ZFAND6: variants seen among roughly 807,000 people sequenced by gnomAD.
The protein encoded by ZFAND6 is AN1-type zinc finger protein 6.
In ZFAND6, 12 loss-of-function variants were observed where a neutral mutation model predicts 24.5. That is an observed-to-expected ratio of 0.49 (90% CI 0.31 to 0.79). The LOEUF (loss-of-function observed/expected upper bound fraction) is 0.79, where lower values mean the gene tolerates loss of function less well. Ranked by LOEUF, ZFAND6 falls within the 30% of genes least tolerant of loss-of-function variation. ZFAND6 has a pLI of 0.04. For synonymous variants in ZFAND6, 92 were observed against 81.5 expected, an observed-to-expected ratio of 1.13 and a Z score of -0.69; for missense variants, 207 against 245.9, an observed-to-expected ratio of 0.84 and a Z score of 1.06.
At chr15:80,096,357 G>A (rs1361005669) in intron 1 of ZFAND6, among the ~76,000 whole-genome samples, 3 of 152,132 alleles carry the variant, frequency 2.0e-5, no homozygotes, top group South Asian at 2.1e-4. Context: ...TTAAGCCTGC[G>A]GTGAAATCAG....
At position 80,089,563 on chromosome 15, in the gene ZFAND6, T is replaced by C. The variant is rs551536693; in HGVS notation, c.-180-8853T>C. Among the ~76,000 whole-genome samples the C allele has an allele frequency of 2.0e-5, 3 of 152,190 alleles. No homozygotes were observed. The South Asian group carries it at 6.2e-4, about 32-fold the overall frequency. ...GAGCCACCACTCCCAGCCTAGCCTT[T>C]GTGTTCTCTTGACCTAGCATTCAAC... On this transcript the variant is annotated intron_variant, in intron 1 of 6. Transcript: ENST00000261749.
At chr15:80,117,030 A>G (rs770917479) in intron 2 of ZFAND6, among the ~76,000 whole-genome samples, 3 of 152,220 alleles carry the variant, frequency 2.0e-5, no homozygotes, top group African/African-American at 4.8e-5. Flanking sequence ...TCTTAGGATG[A>G]TATTTCAAAT....
In ZFAND6 at chr15:80,065,537, A is replaced by ATTTTT. The variant is rs149756891; in HGVS notation, c.-181+5749_-181+5753dup. On this transcript the variant is annotated intron_variant, in intron 1 of 6. Coordinates refer to ENST00000261749, the MANE Select transcript of ZFAND6 (RefSeq NM_019006.4). ...GGGCTTCAAATTAGTTTTGGTTTTG[A>ATTTTT]TTTTTTTTTTTTTTTTTTTTTTTTT... Among the ~76,000 whole-genome samples, 100 of 76,490 alleles carry ATTTTT rather than the reference A, an allele frequency of 1.3e-3. 4 individuals carry two copies. The highest frequency in any genetic ancestry group is 5.2e-3 in the African/African-American group (99 of 18,948). The allele number at this position is 76,490 out of a possible 152,430, so 50.2% of individuals were successfully genotyped here. A position where few individuals can be genotyped will look rare whatever the true frequency, so the allele number is the denominator to read the frequency against.
intron 1 of ZFAND6, among the ~76,000 whole-genome samples, chr15:80,073,932 T>A (rs2037121792): frequency 6.6e-6 from 1 of 151,482 alleles, no homozygotes; most frequent in African/African-American, 2.4e-5. Flanking sequence ...AGCTGTAAAA[T>A]ATTTTCCTTT....
At chr15:80,117,074 A>C (rs1417777271) in intron 2 of ZFAND6, among the ~76,000 whole-genome samples, 1 of 152,236 alleles carries the variant, frequency 6.6e-6, no homozygotes, top group Non-Finnish European at 1.5e-5. Context: ...CATTTAATTA[A>C]TATCACCATG....
chr15:80,122,831 AT>A (rs1472922296), intron 5 of ZFAND6, 31 bp downstream of exon 5: 2 of 1,567,824 alleles, frequency 1.3e-6, no homozygotes. Context: ...GTATTTTGTT[AT>A]TTGAGTATTA....
intron 2 of ZFAND6, among the ~76,000 whole-genome samples, chr15:80,104,402 C>T (rs180712517): frequency 6.6e-6 from 1 of 152,180 alleles, no homozygotes; most frequent in African/African-American, 2.4e-5. Flanking sequence ...GCCTGTAATC[C>T]CAGCTACTTG....
In ZFAND6 at chr15:80,071,417, C is replaced by T. The variant is rs562385509; in HGVS notation, c.-181+11608C>T. On this transcript the variant is annotated intron_variant, in intron 1 of 6. Transcript: ENST00000261749. ...GTAGAGGTAAAAACTATACTTACAC[C>T]GTAAATTAGACATTAAATGCCATTT... Among the ~76,000 whole-genome samples the T allele has an allele frequency of 7.9e-5, 12 of 151,940 alleles. No homozygotes were observed. The East Asian group carries it at 1.9e-3, about 24-fold the overall frequency.
At chr15:80,123,544 A>G (rs1326497342) in intron 5 of ZFAND6, among the ~76,000 whole-genome samples, 1 of 152,250 alleles carries the variant, frequency 6.6e-6, no homozygotes, top group Non-Finnish European at 1.5e-5. Context: ...GTGAAACTTC[A>G]TTGCACATGG....
chr15:80,075,489 G>C (rs2469600), intron 1 of ZFAND6, among the ~76,000 whole-genome samples: 105,622 of 151,758 alleles, frequency 0.7, 36,977 homozygotes, highest in Admixed American at 0.79. Flanking sequence ...AGAGTGGAAA[G>C]TAGTTTTCTA....
chr15:80,104,498 G>A (rs1407203438), intron 2 of ZFAND6, among the ~76,000 whole-genome samples: 3 of 151,386 alleles, frequency 2.0e-5, no homozygotes, highest in Admixed American at 6.6e-5. Flanking sequence ...CAGCCTGGGC[G>A]ACAGAGTGAG....
chr15:80,128,664 G>C (rs888195620), intron 5 of ZFAND6, among the ~76,000 whole-genome samples: 5 of 152,208 alleles, frequency 3.3e-5, no homozygotes, highest in South Asian at 4.1e-4. Flanking sequence ...CAAGTAAGCT[G>C]AGGTTACCTT....
At chr15:80,126,885 G>C (rs996325554) in intron 5 of ZFAND6, among the ~76,000 whole-genome samples, 2 of 152,112 alleles carry the variant, frequency 1.3e-5, no homozygotes, top group African/African-American at 4.8e-5. Flanking sequence ...GGCCAAGGTG[G>C]GCAGATCACT....
chr15:80,074,877 C>T (rs776805140), intron 1 of ZFAND6, among the ~76,000 whole-genome samples: 2 of 151,980 alleles, frequency 1.3e-5, no homozygotes, highest in Non-Finnish European at 2.9e-5. Context: ...AAAGACAATT[C>T]TAAGACAATC....
chr15:80,131,230 C>G lies in ZFAND6; in HGVS notation c.415C>G (p.Leu139Val). ...GCCATCTGAAGAGCAAAGCAAGTCT[C>G]TTGAAAAACCGAAACAAAAAAAGAA... Reference protein sequence around the residue: ...QQPSEEQSKSLEKPKQKKNRC... With the variant: ...QQPSEEQSKSVEKPKQKKNRC... The change falls in exon 6 of 7, where the codon CTT becomes GTT. Residue 139 changes from leucine (L) to valine (V), a missense_variant. Transcript: ENST00000261749. 2.5e-6 allele frequency: 4 copies of G among 1,612,714 alleles called. No homozygotes were observed. The highest frequency in any genetic ancestry group is 3.4e-6 in the Non-Finnish European group (4 of 1,179,346).
At chr15:80,089,738 G>A (rs1160796677) in intron 1 of ZFAND6, among the ~76,000 whole-genome samples, 6 of 152,076 alleles carry the variant, frequency 3.9e-5, no homozygotes, top group Non-Finnish European at 8.8e-5. Context: ...CACCCAGTCC[G>A]TTTTAGCCTA....
chr15:80,060,280 T>C (rs530530563), intron 1 of ZFAND6: 2 of 152,056 alleles, frequency 1.3e-5, no homozygotes, highest in African/African-American at 4.8e-5. Flanking sequence ...ACCTGCGGCG[T>C]TTTTCAGAAA....
At chr15:80,100,050 C>T (rs575379487) in intron 2 of ZFAND6, among the ~76,000 whole-genome samples, 2 of 152,160 alleles carry the variant, frequency 1.3e-5, no homozygotes, top group Non-Finnish European at 2.9e-5. Flanking sequence ...CTATATTGGT[C>T]AGTAGATACA....
At chr15:80,118,683 G>A (rs2040010386) in intron 2 of ZFAND6, among the ~76,000 whole-genome samples, 1 of 152,060 alleles carries the variant, frequency 6.6e-6, no homozygotes, top group African/African-American at 2.4e-5. Context: ...TTGTCATCAT[G>A]GAATAAGAAA....
Sources: allele counts gnomAD v4.1 joint callset (sites outside exome capture counted in the v4.1 genomes callset), GRCh38; gene constraint gnomAD v4.1.1; transcripts MANE v1.5; gene names NCBI Gene and HGNC (gene_info 2026-07-23, HGNC 2026-07-21).